The following IFT122 variants were observed in gnomAD, a reference collection of about 807,000 sequenced individuals.
IFT122 encodes intraflagellar transport protein 122 homolog.
A neutral mutation model predicts 161.6 loss-of-function variants in IFT122; 118 were observed. That is an observed-to-expected ratio of 0.73 (90% CI 0.63 to 0.85). The LOEUF is 0.85. Among genes scored for constraint, IFT122 ranks in the 40% least tolerant of loss-of-function variants. The pLI, the probability that IFT122 is intolerant of heterozygous loss-of-function variation, is 0.00. For synonymous variants in IFT122, 550 were observed against 602.4 expected (o/e 0.91, Z 1.27); for missense variants, 1,381 against 1,579.6 (o/e 0.87, Z 2.13).
At chr3:129,494,685 A>AGT (rs10579071) in intron 17 of IFT122, among the ~76,000 whole-genome samples, 1,902 of 150,588 alleles carry the variant, frequency 0.013, 27 homozygotes, top group African/African-American at 0.039. Context: ...AGCTGTGCTA[A>AGT]GTGTGTGTGT....
At chr3:129,446,311 A>G (rs1467238506) in intron 1 of IFT122, among the ~76,000 whole-genome samples, 1 of 149,726 alleles carries the variant, frequency 6.7e-6, no homozygotes, top group Non-Finnish European at 1.5e-5. Context: ...TGCAAGCTCC[A>G]CCTTCCGGGT....
chr3:129,488,051 A>G (rs1210404362), intron 15 of IFT122: 11 of 725,900 alleles, frequency 1.5e-5, no homozygotes, highest in Non-Finnish European at 2.6e-5. Flanking sequence ...GCTGTGGAGC[A>G]CAGTAGCCCA....
chr3:129,485,588 A>G (rs1224562717), intron 15 of IFT122, among the ~76,000 whole-genome samples: 2 of 152,238 alleles, frequency 1.3e-5, no homozygotes, highest in Non-Finnish European at 2.9e-5. Context: ...CACGCACCAC[A>G]TCCACCAGGA....
intron 11 of IFT122, 125 bp downstream of exon 11, chr3:129,476,926 T>G: frequency 9.1e-7 from 1 of 1,093,594 alleles, no homozygotes; most frequent in Admixed American, 2.0e-5. Context: ...TGTTAGCCAC[T>G]GGGTCTGTGT....
chr3:129,485,607 C>G (rs531361187), intron 15 of IFT122, among the ~76,000 whole-genome samples: 1 of 152,350 alleles, frequency 6.6e-6, no homozygotes, highest in South Asian at 2.1e-4. Flanking sequence ...GAACTCATCT[C>G]CCTCAATTGC....
At chr3:129,491,763 A>G (rs1280777592) in intron 16 of IFT122, among the ~76,000 whole-genome samples, 1 of 152,098 alleles carries the variant, frequency 6.6e-6, no homozygotes. Flanking sequence ...TCATCAGTCC[A>G]TGCATCTCAT....
intron 1 of IFT122, among the ~76,000 whole-genome samples, chr3:129,448,408 G>A (rs1386609685): frequency 6.6e-6 from 1 of 152,200 alleles, no homozygotes; most frequent in Non-Finnish European, 1.5e-5. Flanking sequence ...TGATTGGATT[G>A]GTGTTTCATT....
intron 23 of IFT122, among the ~76,000 whole-genome samples, chr3:129,508,523 TG>T (rs1315118170): frequency 9.2e-5 from 14 of 152,314 alleles, no homozygotes; most frequent in African/African-American, 3.4e-4. Context: ...GTTATTAGGT[TG>T]GTGCAAAAGT....
At position 129,455,717 on chromosome 3, in the gene IFT122, G is replaced by A. The variant is rs191786693; in HGVS notation, c.194-2882G>A. Among the ~76,000 whole-genome samples, 520 of 152,018 alleles carry A rather than the reference G, an allele frequency of 3.4e-3. 1 individual carries two copies. The highest frequency in any genetic ancestry group is 5.6e-3 in the Non-Finnish European group (383 of 67,996). On this transcript the variant is annotated intron_variant, in intron 3 of 29. Transcript: ENST00000348417. ...ATTAATAGCCTACTGTTGACCAGAA[G>A]CCTTACCTGTTACATAAACAGTTAA...
In IFT122 at chr3:129,483,617, G is replaced by A. The variant is rs533241476; in HGVS notation, c.1786G>A (p.Gly596Ser). The change falls in exon 15 of 30, where the codon GGC becomes AGC. Residue 596 changes from glycine (G) to serine (S), a missense_variant. Physicochemically the swap from Gly to Ser is moderately conservative, Grantham distance 56. Coordinates refer to ENST00000348417, the MANE Select transcript of IFT122 (RefSeq NM_052989.3). The stretch of plus-strand genomic sequence containing the variant: ...GCAGAAGCTGCAGGGCTTTGTGGTC[G>A]GCTACAATGGCTCCAAGATCTTCTG... ...HRQKLQGFVV[G>S]YNGSKIFCLH... 11 of 1,613,524 alleles carry A rather than the reference G, an allele frequency of 6.8e-6. No homozygotes were observed. The East Asian group carries it at 1.3e-4, about 20-fold the overall frequency.
At chr3:129,483,448 T>A in intron 14 of IFT122, 37 bp from the exon 15 acceptor site, 2 of 1,583,956 alleles carry the variant, frequency 1.3e-6, no homozygotes, top group Non-Finnish European at 1.7e-6. Flanking sequence ...AAGCCCAGGG[T>A]GGTTCTCACA....
chr3:129,471,332 A>G (rs7640391), intron 9 of IFT122, among the ~76,000 whole-genome samples: 1 of 152,222 alleles, frequency 6.6e-6, no homozygotes, highest in African/African-American at 2.4e-5. Context: ...TCAGTTTCCC[A>G]TGGCTGATTT....
intron 23 of IFT122, among the ~76,000 whole-genome samples, chr3:129,508,670 A>G (rs1212611741): frequency 6.6e-6 from 1 of 152,236 alleles, no homozygotes; most frequent in African/African-American, 2.4e-5. Flanking sequence ...TAGCATAAAA[A>G]TCCATACTTT....
At chr3:129,481,933 CG>C (rs771936312) in intron 14 of IFT122, among the ~76,000 whole-genome samples, 1 of 152,330 alleles carries the variant, frequency 6.6e-6, no homozygotes, top group East Asian at 1.9e-4. Flanking sequence ...CAATGGAAAC[CG>C]AAGGCTCTGA....
chr3:129,466,618 C>T (rs1245764253), intron 7 of IFT122, among the ~76,000 whole-genome samples: 1 of 150,482 alleles, frequency 6.6e-6, no homozygotes, highest in African/African-American at 2.4e-5. Context: ...CCTCTCACCT[C>T]AGCCTCCCAA....
intron 17 of IFT122, 148 bp from the exon 18 acceptor site, chr3:129,495,298 G>A (rs1270372574): frequency 9.1e-7 from 1 of 1,098,808 alleles, no homozygotes. Context: ...CGGGAACCTA[G>A]GGGAGAGAGA....
chr3:129,449,824 T>G (rs1435145005), intron 1 of IFT122, 47 bp from the exon 2 acceptor site: 1 of 1,313,480 alleles, frequency 7.6e-7, no homozygotes, highest in Non-Finnish European at 1.1e-6. Context: ...TTAGCAGACT[T>G]CATCATTTTG....
chr3:129,478,269 C>T (rs777049610), intron 12 of IFT122, 51 bp downstream of exon 12: 16 of 1,523,550 alleles, frequency 1.1e-5, no homozygotes, highest in Non-Finnish European at 1.4e-5. Context: ...TTGTGCTCCC[C>T]CCCCAGTGAT....
In IFT122 at chr3:129,504,300, C is replaced by A. The variant is rs374104529; in HGVS notation, c.2548-19C>A. 7.5e-6 allele frequency: 12 copies of A among 1,598,560 alleles called. No individual in the cohort carries two copies. The African/African-American group carries it at 1.5e-4, about 20-fold the overall frequency. ...TGCAGGGGCAGCTTTATTAAGACTT[C>A]ATTTGCTCCTTCCCCCAGGCCTTTG... On this transcript the variant is annotated intron_variant, in intron 20 of 29. Coordinates refer to ENST00000348417, the MANE Select transcript of IFT122 (RefSeq NM_052989.3).
Sources: allele counts gnomAD v4.1 joint callset (sites outside exome capture counted in the v4.1 genomes callset), GRCh38; gene constraint gnomAD v4.1.1; transcripts MANE v1.5; gene names NCBI Gene and HGNC (gene_info 2026-07-23, HGNC 2026-07-21).